Variants in ISM1 observed in about 807,000 individuals in gnomAD.
The protein encoded by ISM1 is isthmin-1.
ISM1 carries 25 observed loss-of-function variants against 46.3 expected under a neutral mutation model. That is an observed-to-expected ratio of 0.54 (90% CI 0.39 to 0.75). The LOEUF is 0.75. Ranked by LOEUF, ISM1 falls within the 30% of genes least tolerant of loss-of-function variation. ISM1 has a pLI of 0.00. For synonymous variants in ISM1, 255 were observed against 256.7 expected, an observed-to-expected ratio of 0.99 and a Z score of 0.06; for missense variants, 536 against 625.4, an observed-to-expected ratio of 0.86 and a Z score of 1.52.
intron 2 of ISM1, among the ~76,000 whole-genome samples, chr20:13,277,986 T>C (rs1159726191): frequency 6.6e-6 from 1 of 152,208 alleles, no homozygotes; most frequent in Admixed American, 6.5e-5. Context: ...GGGCACGCCC[T>C]GGTGCAATTT....
At position 13,253,793 on chromosome 20, in the gene ISM1, T is replaced by C. The variant is rs140903204; in HGVS notation, c.139-16711T>C. 3.9e-3 allele frequency among the ~76,000 whole-genome samples: 588 copies of C among 152,126 alleles called. 5 individuals are homozygous for C. The highest frequency in any genetic ancestry group is 0.017 in the Middle Eastern group (5 of 294). ...TTCTGTGAGCTCAGCTAGGAAACAA[T>C]GGGCTAGTTCAGATATCTTAAAATT... is the stretch of plus-strand genomic sequence containing the variant. On this transcript the variant is annotated intron_variant, in intron 1 of 5. Coordinates refer to ENST00000262487, the MANE Select transcript of ISM1 (RefSeq NM_080826.2).
In ISM1 at chr20:13,292,130, T is replaced by C. The variant is rs551868775; in HGVS notation, c.788-244T>C. On this transcript the variant is annotated intron_variant, in intron 4 of 5. Coordinates refer to ENST00000262487, the MANE Select transcript of ISM1 (RefSeq NM_080826.2). ...CCCATCCCTGGGCTCAGTGAGTGAG[T>C]TCCTAGGACTTATTCAGGCACATTT... 3.8e-4 allele frequency among the ~76,000 whole-genome samples: 58 copies of C among 152,280 alleles called. 1 individual carries two copies. In the South Asian group the frequency reaches 0.011, roughly 29 times the overall value.
chr20:13,281,844 T>C (rs977703035), intron 3 of ISM1, among the ~76,000 whole-genome samples: 9 of 152,160 alleles, frequency 5.9e-5, no homozygotes, highest in Non-Finnish European at 1.0e-4. Flanking sequence ...TTTCTATGAG[T>C]AGAGCTCAGA....
At chr20:13,315,414 A>G in the ISM1 span, among the ~76,000 whole-genome samples, 1 of 152,060 alleles carries the variant, frequency 6.6e-6, no homozygotes, top group Admixed American at 6.5e-5. Flanking sequence ...TAGACTTAAG[A>G]CCAAGGAAAG....
At chr20:13,242,552 G>A (rs2039738981) in intron 1 of ISM1, among the ~76,000 whole-genome samples, 1 of 152,176 alleles carries the variant, frequency 6.6e-6, no homozygotes. Context: ...GACAGGCTGA[G>A]TCCAATTAAG....
intron 1 of ISM1, among the ~76,000 whole-genome samples, chr20:13,242,375 T>C (rs760806750): frequency 2.6e-5 from 4 of 152,162 alleles, no homozygotes; most frequent in Non-Finnish European, 4.4e-5. Context: ...AGTTTTTGTT[T>C]TTATTTTTCA....
chr20:13,235,231 G>A (rs944242490), intron 1 of ISM1, among the ~76,000 whole-genome samples: 1 of 152,162 alleles, frequency 6.6e-6, no homozygotes, highest in Non-Finnish European at 1.5e-5. Flanking sequence ...ATTCTTTTGT[G>A]ACCAGCAGGT....
chr20:13,322,408 A>T, the ISM1 span, among the ~76,000 whole-genome samples: 1 of 151,726 alleles, frequency 6.6e-6, no homozygotes, highest in African/African-American at 2.4e-5. Flanking sequence ...TCTCTCTCCA[A>T]CTCTTCCACC....
At chr20:13,275,908 G>GA (rs1568682446) in intron 2 of ISM1, among the ~76,000 whole-genome samples, 1 of 152,206 alleles carries the variant, frequency 6.6e-6, no homozygotes, top group Non-Finnish European at 1.5e-5. Flanking sequence ...TTCCGTCCCT[G>GA]AAAATTGAGT....
rs2039773734 is a variant in ISM1 at position 13,244,713 on chromosome 20, T to C, written c.138+22799T>C. 2.0e-5 allele frequency among the ~76,000 whole-genome samples: 3 copies of C among 152,354 alleles called. No individual in the cohort carries two copies. The South Asian group carries it at 6.2e-4, about 32-fold the overall frequency. On this transcript the variant is annotated intron_variant, in intron 1 of 5. Transcript: ENST00000262487. ...GGCCAGGTTTTGACCACATTTTCTA[T>C]TGAGAAGACATGTCCCCCTTTTCAT...
At chr20:13,238,594 A>T (rs2039680614) in intron 1 of ISM1, among the ~76,000 whole-genome samples, 1 of 152,226 alleles carries the variant, frequency 6.6e-6, no homozygotes, top group African/African-American at 2.4e-5. Context: ...ACTAGAAAAC[A>T]ACAAAGTTGT....
chr20:13,252,670 G>A (rs1008530704), intron 1 of ISM1, among the ~76,000 whole-genome samples: 5 of 151,964 alleles, frequency 3.3e-5, no homozygotes, highest in Admixed American at 6.6e-5. Context: ...CAGGAGAATC[G>A]CTTGAACACG....
At chr20:13,248,326 G>A (rs2039826061) in intron 1 of ISM1, among the ~76,000 whole-genome samples, 1 of 152,204 alleles carries the variant, frequency 6.6e-6, no homozygotes, top group African/African-American at 2.4e-5. Flanking sequence ...TGCATTGCTG[G>A]TGTGTGAACT....
intron 1 of ISM1, among the ~76,000 whole-genome samples, chr20:13,228,871 G>A (rs764798686): frequency 7.2e-5 from 11 of 151,878 alleles, no homozygotes; most frequent in Non-Finnish European, 1.2e-4. Context: ...CTTATGTCTC[G>A]AGGCATTCTT....
At chr20:13,261,113 C>T (rs761673297) in intron 1 of ISM1, among the ~76,000 whole-genome samples, 1 of 152,124 alleles carries the variant, frequency 6.6e-6, no homozygotes, top group Non-Finnish European at 1.5e-5. Context: ...CCTTTGGCCG[C>T]AGTAAGAAGC....
chr20:13,245,498 G>A (rs1337474820), intron 1 of ISM1: 2 of 152,160 alleles, frequency 1.3e-5, no homozygotes, highest in Non-Finnish European at 2.9e-5. Flanking sequence ...CACACTCAAA[G>A]GGAGGGGATT....
chr20:13,315,533 T>A, the ISM1 span, among the ~76,000 whole-genome samples: 1 of 151,986 alleles, frequency 6.6e-6, no homozygotes, highest in Non-Finnish European at 1.5e-5. Context: ...TCAAAATACA[T>A]GAGAAAGAAA....
chr20:13,288,160 C>CCTCTCT (rs1279086659), intron 3 of ISM1, among the ~76,000 whole-genome samples: 5 of 152,204 alleles, frequency 3.3e-5, no homozygotes, highest in Admixed American at 3.3e-4. Context: ...AATAGATTCT[C>CCTCTCT]CTCTCTCTCT....
chr20:13,236,162 A>G (rs570605844), intron 1 of ISM1, among the ~76,000 whole-genome samples: 60 of 152,202 alleles, frequency 3.9e-4, no homozygotes, highest in African/African-American at 1.3e-3. Flanking sequence ...TAACCTTGTG[A>G]TCCACCCACC....
Sources: gnomAD v4.1 joint callset for allele counts (sites outside exome capture counted in the v4.1 genomes callset) on GRCh38, gnomAD v4.1.1 for gene constraint, MANE v1.5 for transcripts, NCBI Gene and HGNC (gene_info 2026-07-23, HGNC 2026-07-21) for gene names.